RNF180: variants seen among roughly 807,000 people sequenced by gnomAD.
RNF180 encodes the protein ring finger protein 180.
In RNF180, 38 loss-of-function variants were observed where a neutral mutation model predicts 59.2. That is an observed-to-expected ratio of 0.64 (90% CI 0.50 to 0.84). RNF180 has a LOEUF of 0.84. Ranked by LOEUF, RNF180 falls within the 40% of genes least tolerant of loss-of-function variation. The pLI, the probability that RNF180 is intolerant of heterozygous loss-of-function variation, is 0.00. For missense variants in RNF180, 705 were observed against 700.9 expected (o/e 1.01, Z -0.07); for synonymous variants, 262 against 240.3 (o/e 1.09, Z -0.84).
intron 1 of RNF180, among the ~76,000 whole-genome samples, chr5:64,175,031 A>G (rs1401585936): frequency 2.2e-5 from 3 of 136,350 alleles, no homozygotes; most frequent in African/African-American, 8.7e-5. Context: ...GCAGTGGTGC[A>G]ATCTCGGCTC....
chr5:64,359,209 C>T (rs1231344049), intron 7 of RNF180, among the ~76,000 whole-genome samples: 2 of 151,100 alleles, frequency 1.3e-5, no homozygotes, highest in Admixed American at 6.6e-5. Flanking sequence ...GGAATCGCCA[C>T]ACTGACTTCC....
intron 2 of RNF180, among the ~76,000 whole-genome samples, chr5:64,204,496 C>A (rs953779068): frequency 1.3e-5 from 2 of 152,124 alleles, no homozygotes; most frequent in African/African-American, 4.8e-5. Flanking sequence ...GTGTTTTCTG[C>A]AAAATGTCTT....
At chr5:64,196,036 G>A (rs186123590) in intron 1 of RNF180, among the ~76,000 whole-genome samples, 2 of 152,268 alleles carry the variant, frequency 1.3e-5, no homozygotes, top group East Asian at 1.9e-4. Flanking sequence ...TTTCTCATCA[G>A]TGTTACAATG....
At chr5:64,261,392 G>T (rs762921513) in intron 5 of RNF180, among the ~76,000 whole-genome samples, 1 of 152,138 alleles carries the variant, frequency 6.6e-6, no homozygotes, top group Non-Finnish European at 1.5e-5. Flanking sequence ...ATCCTGATGA[G>T]ACAATCTTAG....
chr5:64,354,988 GC>G (rs1246566225), intron 7 of RNF180, among the ~76,000 whole-genome samples: 1 of 151,782 alleles, frequency 6.6e-6, no homozygotes, highest in African/African-American at 2.4e-5. Flanking sequence ...AAAACTGAAA[GC>G]TTTCCCCCTA....
chr5:64,303,870 C>T (rs1311961877), intron 5 of RNF180, among the ~76,000 whole-genome samples: 1 of 151,600 alleles, frequency 6.6e-6, no homozygotes, highest in Admixed American at 6.6e-5. Context: ...AGAAGATGCC[C>T]TCTAGGACTT....
intron 1 of RNF180, among the ~76,000 whole-genome samples, chr5:64,181,277 A>G (rs1366636883): frequency 6.6e-6 from 1 of 152,190 alleles, no homozygotes; most frequent in Non-Finnish European, 1.5e-5. Context: ...CACACCCAGG[A>G]ACAATACTTT....
intron 7 of RNF180, among the ~76,000 whole-genome samples, chr5:64,347,931 A>G (rs572597177): frequency 2.6e-5 from 4 of 152,236 alleles, no homozygotes; most frequent in African/African-American, 9.6e-5. Context: ...CTTTGCTAAG[A>G]TTACATTGTA....
intron 1 of RNF180, among the ~76,000 whole-genome samples, chr5:64,189,495 A>G (rs1465827328): frequency 1.3e-5 from 2 of 152,164 alleles, no homozygotes; most frequent in Non-Finnish European, 2.9e-5. Flanking sequence ...AAGAAAAGAA[A>G]AACCTTGGCT....
chr5:64,167,206 T>A (rs1341612868), intron 1 of RNF180, among the ~76,000 whole-genome samples: 1 of 152,222 alleles, frequency 6.6e-6, no homozygotes, highest in African/African-American at 2.4e-5. Context: ...AGCTGTTAGG[T>A]TTCCCGGAAT....
At chr5:64,271,561 C>G in intron 5 of RNF180, among the ~76,000 whole-genome samples, 1 of 151,964 alleles carries the variant, frequency 6.6e-6, no homozygotes, top group East Asian at 1.9e-4. Context: ...TGTGTAAGAA[C>G]ACTCTATGGC....
At chr5:64,298,372 T>C (rs975475575) in intron 5 of RNF180, among the ~76,000 whole-genome samples, 2 of 151,996 alleles carry the variant, frequency 1.3e-5, no homozygotes, top group African/African-American at 4.8e-5. Context: ...TTATAGTTTT[T>C]GTGTTTTATA....
At chr5:64,346,049 C>T (rs1377579460) in intron 7 of RNF180, among the ~76,000 whole-genome samples, 2 of 151,804 alleles carry the variant, frequency 1.3e-5, no homozygotes, top group South Asian at 2.1e-4. Context: ...ATCAAATGAG[C>T]ATTTAGTTTG....
intron 5 of RNF180, among the ~76,000 whole-genome samples, chr5:64,251,531 TCCTGCCTCAGCCTTCTGAGTGGGTAGG>T (rs1743577497): frequency 1.3e-5 from 2 of 152,156 alleles, no homozygotes; most frequent in African/African-American, 4.8e-5. Context: ...CGAGCAAGCC[TCCTGCCTCAGCCTTCTGAGTGGGTAGG>T]ACTACAAGCA....
At chr5:64,234,096 G>A (rs903068022) in intron 5 of RNF180, among the ~76,000 whole-genome samples, 2 of 152,128 alleles carry the variant, frequency 1.3e-5, no homozygotes, top group African/African-American at 4.8e-5. Context: ...AGCTGTCTTG[G>A]TTTCTTCTGT....
At chr5:64,241,903 A>G (rs1416657649) in intron 5 of RNF180, among the ~76,000 whole-genome samples, 1 of 152,126 alleles carries the variant, frequency 6.6e-6, no homozygotes, top group African/African-American at 2.4e-5. Flanking sequence ...CAGGCCCACC[A>G]CAGCATTCAG....
intron 2 of RNF180, among the ~76,000 whole-genome samples, chr5:64,202,524 TG>T (rs1447012877): frequency 6.6e-6 from 1 of 152,154 alleles, no homozygotes; most frequent in Non-Finnish European, 1.5e-5. Flanking sequence ...TTTGGGGTCA[TG>T]GGGGTAGGTA....
intron 7 of RNF180, among the ~76,000 whole-genome samples, chr5:64,332,536 C>T (rs1013009084): frequency 6.6e-6 from 1 of 152,108 alleles, no homozygotes; most frequent in African/African-American, 2.4e-5. Context: ...TCTTCCTCAC[C>T]TAACTAATAT....
rs1752709612 is a variant in RNF180 at position 64,217,713 on chromosome 5, G to A, written c.1227+317G>A. The A allele has an allele frequency of 1.6e-5, 3 of 193,320 alleles. No homozygotes were observed. In the East Asian group the frequency reaches 3.8e-4, roughly 24 times the overall value. The allele number at this position is 193,320 out of a possible 1,614,324, so 12.0% of individuals were successfully genotyped here. A position where few individuals can be genotyped will look rare whatever the true frequency, so the allele number is the denominator to read the frequency against. The stretch of plus-strand genomic sequence containing the variant: ...TCTATAATCCCAGCACTTTTGAGAG[G>A]CCAAGGCAGGAGGATTGCTTGAGTT... On this transcript the variant is annotated intron_variant, in intron 5 of 7. Coordinates refer to ENST00000389100, the MANE Select transcript of RNF180 (RefSeq NM_001113561.2).
Sources: allele counts gnomAD v4.1 joint callset (sites outside exome capture counted in the v4.1 genomes callset), GRCh38; gene constraint gnomAD v4.1.1; transcripts MANE v1.5; gene names NCBI Gene and HGNC (gene_info 2026-07-23, HGNC 2026-07-21).